Variants in TRAPPC9 observed in about 807,000 individuals in gnomAD.
TRAPPC9 encodes the protein IKK2 binding protein.
Under a neutral mutation model 124.0 loss-of-function variants are expected in TRAPPC9, and 83 were observed. The observed-to-expected ratio is 0.67, with a 90% CI of 0.56 to 0.80. The LOEUF is 0.80. Ranked by LOEUF, TRAPPC9 falls within the 30% of genes least tolerant of loss-of-function variation. TRAPPC9 has a pLI of 0.00. For synonymous variants in TRAPPC9, 638 were observed against 617.5 expected, an observed-to-expected ratio of 1.03 and a Z score of -0.49; for missense variants, 1,302 against 1,508.3, an observed-to-expected ratio of 0.86 and a Z score of 2.27.
At position 139,839,883 on chromosome 8, in the gene TRAPPC9, C is replaced by T. The variant is rs184684465; in HGVS notation, c.3055+45996G>A. ...ACACAAACAAATGGCCTCTCCCTTC[C>T]GGATGCCTGCTTTCACGGCAGTTTT... is the stretch of plus-strand genomic sequence containing the variant. On this transcript the variant is annotated intron_variant, in intron 21 of 22. Transcript: ENST00000438773. 1.9e-4 allele frequency among the ~76,000 whole-genome samples: 29 copies of T among 152,314 alleles called. No homozygotes were observed. In the East Asian group the frequency reaches 2.9e-3, roughly 15 times the overall value.
chr8:139,865,683 C>T (rs1372132229), intron 21 of TRAPPC9, among the ~76,000 whole-genome samples: 1 of 152,174 alleles, frequency 6.6e-6, no homozygotes, highest in Non-Finnish European at 1.5e-5. Context: ...CCCCAAACAA[C>T]TCAGCCTGAA....
intron 17 of TRAPPC9, among the ~76,000 whole-genome samples, chr8:140,028,931 T>C (rs7001876): frequency 0.15 from 23,525 of 152,096 alleles, 2,327 homozygotes; most frequent in African/African-American, 0.27. Flanking sequence ...AAAACAACTA[T>C]ACTAAAACCT....
In TRAPPC9 at chr8:140,287,607, C is replaced by T. The variant is rs1408936194; in HGVS notation, c.1981+1G>A. On this transcript the variant is annotated splice_donor_variant, in intron 13 of 22. Coordinates refer to ENST00000438773, the MANE Select transcript of TRAPPC9 (RefSeq NM_001160372.4). LOFTEE classifies it high-confidence loss of function. ...AGGAAGCATGAAGGGACTCTCCTTACCGTTCACAGTAATCGTTCCAGTCGT... is the reference window on the plus strand; with the variant it reads ...AGGAAGCATGAAGGGACTCTCCTTATCGTTCACAGTAATCGTTCCAGTCGT... The T allele has an allele frequency of 1.9e-6, 3 of 1,614,140 alleles. No individual in the cohort carries two copies. In the South Asian group the frequency reaches 3.3e-5, roughly 18 times the overall value.
chr8:140,411,442 A>G (rs2069702812), intron 5 of TRAPPC9, among the ~76,000 whole-genome samples: 1 of 152,206 alleles, frequency 6.6e-6, no homozygotes, highest in Admixed American at 6.5e-5. Context: ...CCCAGGTTCC[A>G]GCGATTCTCC....
intron 4 of TRAPPC9, among the ~76,000 whole-genome samples, chr8:140,432,382 GAC>G: frequency 6.6e-6 from 1 of 152,182 alleles, no homozygotes; most frequent in Admixed American, 6.5e-5. Flanking sequence ...ATAAACAGAA[GAC>G]ACAGGCTCAT....
chr8:139,816,413 C>A (rs1224389418), intron 21 of TRAPPC9, among the ~76,000 whole-genome samples: 1 of 152,206 alleles, frequency 6.6e-6, no homozygotes, highest in African/African-American at 2.4e-5. Flanking sequence ...AGATTTAGAG[C>A]AATGCTGGGT....
intron 17 of TRAPPC9, among the ~76,000 whole-genome samples, chr8:140,205,593 A>C (rs921940607): frequency 4.6e-5 from 7 of 152,246 alleles, no homozygotes; most frequent in Admixed American, 6.5e-5. Flanking sequence ...AATGCACTAC[A>C]TGAACTATTT....
At chr8:140,009,905 G>A (rs1839012678) in intron 18 of TRAPPC9, among the ~76,000 whole-genome samples, 1 of 152,162 alleles carries the variant, frequency 6.6e-6, no homozygotes, top group African/African-American at 2.4e-5. Flanking sequence ...CAGAAAATAG[G>A]GTGCAAGGAG....
chr8:140,174,497 A>C (rs1420217454), intron 17 of TRAPPC9, among the ~76,000 whole-genome samples: 3 of 152,184 alleles, frequency 2.0e-5, no homozygotes, highest in Non-Finnish European at 4.4e-5. Flanking sequence ...AATCATCATC[A>C]CTATCTAATT....
At chr8:140,140,408 TGGTGGGTTTTTC>T (rs1047430424) in intron 17 of TRAPPC9, among the ~76,000 whole-genome samples, 7 of 152,206 alleles carry the variant, frequency 4.6e-5, no homozygotes, top group African/African-American at 1.7e-4. Flanking sequence ...TGTTGTGTGG[TGGTGGGTTTTTC>T]GGTGGGTTTT....
chr8:140,300,395 G>T, intron 11 of TRAPPC9, 74 bp downstream of exon 11: 1 of 1,596,694 alleles, frequency 6.3e-7, no homozygotes, highest in Non-Finnish European at 8.6e-7. Flanking sequence ...TCAAAATGCT[G>T]TTCTAAAAAT....
In TRAPPC9 at chr8:140,056,789, A is replaced by G. The variant is rs180853141; in HGVS notation, c.2557-32710T>C. Among the ~76,000 whole-genome samples, 1,293 of 152,298 alleles carry G rather than the reference A, an allele frequency of 8.5e-3. 14 individuals carry two copies. The highest frequency in any genetic ancestry group is 0.029 in the African/African-American group (1,224 of 41,560). Reference sequence around the variant, plus strand: ...TGGATATGACACCAAAAACACAGGCAACAAAAGCAAAACCAGACAAAATGA... The same window carrying G: ...TGGATATGACACCAAAAACACAGGCGACAAAAGCAAAACCAGACAAAATGA... On this transcript the variant is annotated intron_variant, in intron 17 of 22. Coordinates refer to ENST00000438773, the MANE Select transcript of TRAPPC9 (RefSeq NM_001160372.4).
chr8:139,751,680 T>C (rs1210688348), intron 21 of TRAPPC9, among the ~76,000 whole-genome samples: 1 of 152,148 alleles, frequency 6.6e-6, no homozygotes, highest in African/African-American at 2.4e-5. Flanking sequence ...AGACTACATG[T>C]CATCCACCTA....
chr8:139,770,149 C>G (rs1820863959), intron 21 of TRAPPC9, among the ~76,000 whole-genome samples: 1 of 152,228 alleles, frequency 6.6e-6, no homozygotes, highest in South Asian at 2.1e-4. Context: ...CTTCAGGACC[C>G]TTCATTTCCT....
intron 17 of TRAPPC9, among the ~76,000 whole-genome samples, chr8:140,033,658 G>GTGTTT (rs1840649505): frequency 7.1e-5 from 3 of 42,396 alleles, no homozygotes; most frequent in Admixed American, 3.7e-4. Flanking sequence ...TCATAATGTG[G>GTGTTT]TTTTTTTTTT....
intron 5 of TRAPPC9, among the ~76,000 whole-genome samples, chr8:140,414,139 C>T (rs1480286280): frequency 6.6e-6 from 1 of 151,788 alleles, no homozygotes; most frequent in Non-Finnish European, 1.5e-5. Context: ...GAAATTGACC[C>T]AAGAAGAAAT....
intron 17 of TRAPPC9, among the ~76,000 whole-genome samples, chr8:140,164,425 C>G (rs2061799045): frequency 6.6e-6 from 1 of 152,212 alleles, no homozygotes. Flanking sequence ...TGGACAATGC[C>G]TTGGTTTCTG....
chr8:140,275,509 A>G (rs2065084108), intron 15 of TRAPPC9, 149 bp downstream of exon 15: 2 of 840,536 alleles, frequency 2.4e-6, no homozygotes, highest in East Asian at 2.7e-5. Flanking sequence ...TCAAGCTCTC[A>G]GCCTGTAAGC....
intron 20 of TRAPPC9, among the ~76,000 whole-genome samples, chr8:139,903,640 G>A (rs148261630): frequency 8.5e-4 from 129 of 152,354 alleles, no homozygotes; most frequent in African/African-American, 3.0e-3. Flanking sequence ...GACTCATCCC[G>A]TGAGTTGCAG....
Sources: allele counts gnomAD v4.1 joint callset (sites outside exome capture counted in the v4.1 genomes callset), GRCh38; gene constraint gnomAD v4.1.1; transcripts MANE v1.5; gene names NCBI Gene and HGNC (gene_info 2026-07-23, HGNC 2026-07-21).